The following YAP1 variants were observed in gnomAD, a reference collection of about 807,000 sequenced individuals.
The protein encoded by YAP1 is transcriptional coactivator YAP1.
YAP1 carries 5 observed loss-of-function variants against 56.9 expected under a neutral mutation model. The ratio of observed to expected loss-of-function variants is 0.09; its 90% CI spans 0.05 to 0.18. The LOEUF (loss-of-function observed/expected upper bound fraction) is 0.18, where lower values mean the gene tolerates loss of function less well. Among genes scored for constraint, YAP1 ranks in the 10% least tolerant of loss-of-function variants. The pLI, the probability that YAP1 is intolerant of heterozygous loss-of-function variation, is 1.00. For missense variants in YAP1, 539 were observed against 651.8 expected (o/e 0.83, Z 1.88); for synonymous variants, 265 against 248.1 (o/e 1.07, Z -0.64).
chr11:102,220,249 G>T (rs1949859227), intron 6 of YAP1, among the ~76,000 whole-genome samples: 1 of 152,018 alleles, frequency 6.6e-6, no homozygotes, highest in African/African-American at 2.4e-5. Flanking sequence ...CTGAATAGGG[G>T]CTTGAGATAG....
At chr11:102,152,624 C>A (rs900357932) in intron 2 of YAP1, among the ~76,000 whole-genome samples, 2 of 152,134 alleles carry the variant, frequency 1.3e-5, no homozygotes, top group South Asian at 2.1e-4. Flanking sequence ...GTGAGTTTGC[C>A]CTTCGATTTC....
At chr11:102,189,730 G>T (rs1324747353) in intron 4 of YAP1, among the ~76,000 whole-genome samples, 1 of 152,124 alleles carries the variant, frequency 6.6e-6, no homozygotes, top group Non-Finnish European at 1.5e-5. Context: ...ACATACACGT[G>T]TGTATGTGTT....
chr11:102,228,995 C>T (rs1950337701), intron 8 of YAP1, among the ~76,000 whole-genome samples: 1 of 152,182 alleles, frequency 6.6e-6, no homozygotes, highest in Non-Finnish European at 1.5e-5. Context: ...CACACAACAC[C>T]TTTACTTACT....
intron 2 of YAP1, among the ~76,000 whole-genome samples, chr11:102,119,803 G>C (rs778860486): frequency 1.3e-5 from 2 of 152,088 alleles, no homozygotes; most frequent in Non-Finnish European, 2.9e-5. Flanking sequence ...GCTTTGAGGG[G>C]AGGTAAACTC....
At chr11:102,184,097 A>C (rs1947814217) in intron 3 of YAP1, among the ~76,000 whole-genome samples, 2 of 72,266 alleles carry the variant, frequency 2.8e-5, no homozygotes, top group South Asian at 7.1e-4. Flanking sequence ...AAAAAAAAAG[A>C]AAGCTACAAT....
intron 4 of YAP1, among the ~76,000 whole-genome samples, chr11:102,200,083 T>TAC (rs1365662312): frequency 6.6e-6 from 1 of 152,256 alleles, no homozygotes; most frequent in Non-Finnish European, 1.5e-5. Flanking sequence ...AATGTTTATA[T>TAC]ACACATATAT....
intron 3 of YAP1, among the ~76,000 whole-genome samples, chr11:102,172,530 C>T (rs928953328): frequency 4.0e-5 from 6 of 148,200 alleles, no homozygotes; most frequent in African/African-American, 1.5e-4. Flanking sequence ...TAGTGTATGC[C>T]TATAGTCCCA....
rs981793260 is a variant in YAP1 at position 102,211,578 on chromosome 11, A to C, written c.1032+2014A>C. On this transcript the variant is annotated intron_variant, in intron 6 of 8. Transcript: ENST00000282441. ...AAATTCAAGTATAGGGTTATATTTG[A>C]AATAGATCAAGAAATCTGGTGGTAT... Among the ~76,000 whole-genome samples the C allele has an allele frequency of 5.9e-5, 9 of 152,168 alleles. No homozygotes were observed. In the East Asian group the frequency reaches 1.7e-3, roughly 29 times the overall value.
chr11:102,145,394 A>G (rs933431897), intron 2 of YAP1, among the ~76,000 whole-genome samples: 8 of 152,212 alleles, frequency 5.3e-5, no homozygotes, highest in African/African-American at 1.9e-4. Context: ...GAATTCTGGT[A>G]TATCAGAAAT....
chr11:102,223,598 C>G, intron 6 of YAP1, 24 bp from the exon 7 acceptor site: 1 of 1,608,898 alleles, frequency 6.2e-7, no homozygotes, highest in Non-Finnish European at 8.5e-7. Flanking sequence ...TAGATTGATT[C>G]TCTTTGGCTT....
chr11:102,170,555 G>A (rs568919128), intron 3 of YAP1, among the ~76,000 whole-genome samples: 26 of 152,260 alleles, frequency 1.7e-4, no homozygotes, highest in Admixed American at 5.2e-4. Flanking sequence ...ACTCAAGACT[G>A]TTGAGTGCTC....
At chr11:102,207,944 G>C (rs1949205919) in intron 5 of YAP1, among the ~76,000 whole-genome samples, 1 of 152,178 alleles carries the variant, frequency 6.6e-6, no homozygotes, top group Non-Finnish European at 1.5e-5. Context: ...CAAAGCACAG[G>C]ATGAGGCTGT....
chr11:102,129,824 G>C (rs1470659770), intron 2 of YAP1, among the ~76,000 whole-genome samples: 1 of 146,724 alleles, frequency 6.8e-6, no homozygotes, highest in Non-Finnish European at 1.5e-5. Flanking sequence ...TTTCGAAATG[G>C]GGTCTTGCTC....
chr11:102,138,874 T>C (rs148381048), intron 2 of YAP1, among the ~76,000 whole-genome samples: 3 of 152,354 alleles, frequency 2.0e-5, no homozygotes, highest in East Asian at 3.9e-4. Context: ...ATGATTGTTA[T>C]ATTCCTGTGG....
chr11:102,229,665 C>T, intron 8 of YAP1, 37 bp from the exon 9 acceptor site: 3 of 1,594,306 alleles, frequency 1.9e-6, no homozygotes, highest in Non-Finnish European at 2.6e-6. Flanking sequence ...GTTAGCTTTT[C>T]AAAAAGGACT....
At chr11:102,190,578 A>G (rs1241601168) in intron 4 of YAP1, among the ~76,000 whole-genome samples, 2 of 152,106 alleles carry the variant, frequency 1.3e-5, no homozygotes, top group Admixed American at 6.5e-5. Flanking sequence ...GTGAGTGAAT[A>G]TCATGCCACT....
intron 6 of YAP1, among the ~76,000 whole-genome samples, chr11:102,222,172 G>C (rs1269467835): frequency 6.6e-6 from 1 of 152,182 alleles, no homozygotes; most frequent in South Asian, 2.1e-4. Flanking sequence ...GGAGGTGAGG[G>C]CTGGAGATGG....
At chr11:102,210,097 A>G (rs1049597728) in intron 6 of YAP1, among the ~76,000 whole-genome samples, 2 of 152,178 alleles carry the variant, frequency 1.3e-5, no homozygotes, top group African/African-American at 2.4e-5. Context: ...GTTGGCTTTT[A>G]TCAGCATTCT....
intron 2 of YAP1, among the ~76,000 whole-genome samples, chr11:102,136,053 T>A (rs1944655993): frequency 6.6e-6 from 1 of 152,178 alleles, no homozygotes; most frequent in South Asian, 2.1e-4. Context: ...ACATAAGAAC[T>A]TTTCTAGGCT....
Sources: gnomAD v4.1 joint callset for allele counts (sites outside exome capture counted in the v4.1 genomes callset) on GRCh38, gnomAD v4.1.1 for gene constraint, MANE v1.5 for transcripts, NCBI Gene and HGNC (gene_info 2026-07-23, HGNC 2026-07-21) for gene names.